The following BRINP3 variants were observed in gnomAD, a reference collection of about 807,000 sequenced individuals.
BRINP3 encodes the protein BMP/retinoic acid inducible neural specific 3, also known as BMP/retinoic acid-inducible neural-specific protein 3.
In BRINP3, 19 loss-of-function variants were observed where a neutral mutation model predicts 71.0. That is an observed-to-expected ratio of 0.27 (90% CI 0.19 to 0.39). The LOEUF (loss-of-function observed/expected upper bound fraction) is 0.39. Ranked by LOEUF, BRINP3 falls within the 10% of genes least tolerant of loss-of-function variation. The pLI is 1.00. For missense variants in BRINP3, 959 were observed against 940.8 expected, an observed-to-expected ratio of 1.02 and a Z score of -0.25; for synonymous variants, 380 against 337.7, an observed-to-expected ratio of 1.13 and a Z score of -1.37.
intron 6 of BRINP3, among the ~76,000 whole-genome samples, chr1:190,167,380 T>G (rs1037363560): frequency 2.6e-5 from 4 of 152,028 alleles, no homozygotes; most frequent in Non-Finnish European, 5.9e-5. Context: ...CCACCTAGAA[T>G]GAAGTGTGTG....
chr1:190,427,265 C>T (rs1420265859), intron 2 of BRINP3, among the ~76,000 whole-genome samples: 2 of 151,796 alleles, frequency 1.3e-5, no homozygotes, highest in Non-Finnish European at 2.9e-5. Flanking sequence ...AAGAACATGA[C>T]TCTAACATCT....
At chr1:190,300,504 C>T (rs1417448135) in intron 2 of BRINP3, among the ~76,000 whole-genome samples, 1 of 152,144 alleles carries the variant, frequency 6.6e-6, no homozygotes, top group African/African-American at 2.4e-5. Context: ...ACAGCAGTAA[C>T]CTCTGCAGAC....
At chr1:190,176,052 A>G (rs1404039402) in intron 6 of BRINP3, among the ~76,000 whole-genome samples, 1 of 152,142 alleles carries the variant, frequency 6.6e-6, no homozygotes, top group Non-Finnish European at 1.5e-5. Flanking sequence ...CTTTACTTGT[A>G]TTCACCCTTT....
Position 190,109,528 on chromosome 1 carries a change from T to G in BRINP3, c.1185-10394A>C, listed in dbSNP as rs545020832. On this transcript the variant is annotated intron_variant, in intron 7 of 7. Transcript: ENST00000367462. ...AGTTTTGGTGTCAACTTCACTGGAT[T>G]AGGGGATACGCAGATAGCTGGACAA... Among the ~76,000 whole-genome samples, 6 of 152,332 alleles carry G rather than the reference T, an allele frequency of 3.9e-5. No individual in the cohort carries two copies. In the East Asian group the frequency reaches 1.2e-3, roughly 29 times the overall value.
intron 2 of BRINP3, among the ~76,000 whole-genome samples, chr1:190,433,298 T>C (rs1244022642): frequency 6.6e-6 from 1 of 152,210 alleles, no homozygotes; most frequent in Non-Finnish European, 1.5e-5. Context: ...GATTATAAAC[T>C]TTCAATGATC....
rs185437053 is a variant in BRINP3, at chr1:190,145,080, T to C, written c.1184+15588A>G. Among the ~76,000 whole-genome samples, 391 of 152,264 alleles carry C rather than the reference T, an allele frequency of 2.6e-3. 2 individuals are homozygous for C. Among genetic ancestry groups the C allele is most frequent in the African/African-American group, 8.2e-3 (342 of 41,556 alleles). On this transcript the variant is annotated intron_variant, in intron 7 of 7. Transcript: ENST00000367462. ...ATACTGATAATCTTCAAAAATAATA[T>C]ATAATTTGCCCATTTACTTTATTTT...
In BRINP3 at chr1:190,099,093, T is replaced by C. The variant is rs774680022; in HGVS notation, c.1226A>G (p.Tyr409Cys). The C allele has an allele frequency of 1.2e-6, 2 of 1,614,032 alleles. No homozygotes were observed. The highest frequency in any genetic ancestry group is 1.7e-6 in the Non-Finnish European group (2 of 1,179,952). ...YWLTRIQSFL[Y>C]CNENGLLGSF... The stretch of plus-strand genomic sequence containing the variant: ...GCCTAGGAGGCCGTTCTCATTGCAG[T>C]AGAGAAAAGACTGGATGCGAGTAAG... Residue 409 changes from tyrosine to cysteine, a missense_variant, in exon 8 of 8, where the codon TAC becomes TGC. Physicochemically the swap from Tyr to Cys is radical, Grantham distance 194. Coordinates refer to ENST00000367462, the MANE Select transcript of BRINP3 (RefSeq NM_199051.3).
chr1:190,101,248 C>A (rs1487674445), intron 7 of BRINP3, among the ~76,000 whole-genome samples: 1 of 152,150 alleles, frequency 6.6e-6, no homozygotes, highest in Admixed American at 6.5e-5. Context: ...CTCAAAAATT[C>A]TCCCAAAAGT....
At chr1:190,273,961 G>A (rs577214717) in intron 3 of BRINP3, among the ~76,000 whole-genome samples, 2 of 151,672 alleles carry the variant, frequency 1.3e-5, no homozygotes, top group South Asian at 2.1e-4. Context: ...GAACAACTAT[G>A]AGCAGTTCAT....
At chr1:190,469,995 T>C (rs1277728523) in intron 1 of BRINP3, among the ~76,000 whole-genome samples, 3 of 151,086 alleles carry the variant, frequency 2.0e-5, no homozygotes, top group East Asian at 3.9e-4. Flanking sequence ...AAAATATTTG[T>C]TATTAGTGAC....
chr1:190,103,081 G>A (rs964535162), intron 7 of BRINP3, among the ~76,000 whole-genome samples: 3 of 152,022 alleles, frequency 2.0e-5, no homozygotes, highest in Non-Finnish European at 4.4e-5. Context: ...GTCAAAAGAG[G>A]ACTAGAGTAG....
chr1:190,339,947 T>A (rs891171337), intron 2 of BRINP3, among the ~76,000 whole-genome samples: 4 of 151,936 alleles, frequency 2.6e-5, no homozygotes, highest in African/African-American at 9.7e-5. Flanking sequence ...GGCTTCTATG[T>A]CCATTTGTCC....
intron 5 of BRINP3, among the ~76,000 whole-genome samples, chr1:190,227,462 C>T (rs751751700): frequency 3.3e-5 from 5 of 151,442 alleles, no homozygotes; most frequent in Non-Finnish European, 7.4e-5. Flanking sequence ...AATAAAATTG[C>T]TAGGTAAGAT....
At position 190,290,211 on chromosome 1, in the gene BRINP3, A is replaced by G. The variant is rs1010168582; in HGVS notation, c.237-8461T>C. 3.3e-5 allele frequency among the ~76,000 whole-genome samples: 5 copies of G among 152,070 alleles called. 1 individual carries two copies. Among genetic ancestry groups the G allele is most frequent in the Admixed American group, 3.3e-4 (5 of 15,252 alleles). On this transcript the variant is annotated intron_variant, in intron 2 of 7. Transcript: ENST00000367462. Reference sequence around the variant, plus strand: ...TTAACTATTTGCTCTAAACTGAGAAACACTAACCGTATGTAAAAACCTACT... The same window carrying G: ...TTAACTATTTGCTCTAAACTGAGAAGCACTAACCGTATGTAAAAACCTACT...
At chr1:190,212,973 A>G (rs1656114004) in intron 6 of BRINP3, among the ~76,000 whole-genome samples, 1 of 152,020 alleles carries the variant, frequency 6.6e-6, no homozygotes, top group African/African-American at 2.4e-5. Context: ...GAAAGGAGGG[A>G]GGGGATAGTG....
chr1:190,167,072 C>T (rs887921051), intron 6 of BRINP3, among the ~76,000 whole-genome samples: 1 of 151,886 alleles, frequency 6.6e-6, no homozygotes, highest in Non-Finnish European at 1.5e-5. Context: ...GAGTAGGTTT[C>T]CCTACTTTTC....
chr1:190,122,851 A>G (rs1208669219), intron 7 of BRINP3, among the ~76,000 whole-genome samples: 1 of 152,136 alleles, frequency 6.6e-6, no homozygotes, highest in Non-Finnish European at 1.5e-5. Flanking sequence ...TAATACAGAA[A>G]TAGGTATAGA....
intron 2 of BRINP3, among the ~76,000 whole-genome samples, chr1:190,322,982 T>C (rs1558181370): frequency 1.3e-5 from 2 of 152,062 alleles, no homozygotes; most frequent in Non-Finnish European, 2.9e-5. Flanking sequence ...AGAAGGATTA[T>C]GTAACTTGAC....
At chr1:190,350,179 C>G (rs1668285081) in intron 2 of BRINP3, among the ~76,000 whole-genome samples, 1 of 152,036 alleles carries the variant, frequency 6.6e-6, no homozygotes, top group African/African-American at 2.4e-5. Context: ...AAACACAAGG[C>G]TAAAGCAGAC....
Sources: gnomAD v4.1 joint callset for allele counts (sites outside exome capture counted in the v4.1 genomes callset) on GRCh38, gnomAD v4.1.1 for gene constraint, MANE v1.5 for transcripts, NCBI Gene and HGNC (gene_info 2026-07-23, HGNC 2026-07-21) for gene names.